Variants in CD2AP observed in about 807,000 individuals in gnomAD.
CD2AP encodes the protein CD2 associated protein.
Under a neutral mutation model 85.1 loss-of-function variants are expected in CD2AP, and 46 were observed. The ratio of observed to expected loss-of-function variants is 0.54; its 90% CI spans 0.43 to 0.69. The LOEUF (loss-of-function observed/expected upper bound fraction) is 0.69. Among genes scored for constraint, CD2AP ranks in the 30% least tolerant of loss-of-function variants. The pLI, the probability that CD2AP is intolerant of heterozygous loss-of-function variation, is 0.00. For synonymous variants in CD2AP, 255 were observed against 252.9 expected, an observed-to-expected ratio of 1.01 and a Z score of -0.08; for missense variants, 769 against 729.5, an observed-to-expected ratio of 1.05 and a Z score of -0.62.
intron 5 of CD2AP, among the ~76,000 whole-genome samples, chr6:47,573,272 C>T (rs889685041): frequency 6.6e-6 from 1 of 152,016 alleles, no homozygotes; most frequent in Non-Finnish European, 1.5e-5. Context: ...GAAATTAGAC[C>T]TGTTACCTAA....
chr6:47,505,219 TG>T (rs1766109026), intron 2 of CD2AP, among the ~76,000 whole-genome samples: 2 of 145,810 alleles, frequency 1.4e-5, no homozygotes, highest in South Asian at 4.7e-4. Flanking sequence ...GATTAGGGAT[TG>T]GTGATGACTC....
rs267606710 is a variant in CD2AP, at chr6:47,612,492, C to T, written c.1834C>T (p.Arg612Ter). Reference protein sequence around the residue: ...KDHGKELEKLRKDLEEEKTMR... With the variant: ...KDHGKELEKL ...TTTTAGGAAAGAACTGGAAAAACTG[C>T]GAAAAGATTTGGAAGAAGAGAAGAC... The change falls in exon 17 of 18, where the codon CGA becomes TGA. Residue 612 changes from arginine (R) to a stop codon, truncating the protein, a stop_gained. Transcript: ENST00000359314. LOFTEE classifies it high-confidence loss of function. 9 of 1,604,304 alleles carry T rather than the reference C, an allele frequency of 5.6e-6. No individual in the cohort carries two copies. In the Admixed American group the frequency reaches 6.7e-5, roughly 12 times the overall value.
chr6:47,540,114 C>A (rs1767167278), intron 3 of CD2AP, among the ~76,000 whole-genome samples: 1 of 136,440 alleles, frequency 7.3e-6, no homozygotes, highest in Non-Finnish European at 1.5e-5. Context: ...GCCTGGGAGG[C>A]AGAGATTGCA....
intron 8 of CD2AP, among the ~76,000 whole-genome samples, chr6:47,577,703 T>C (rs1364067723): frequency 6.6e-6 from 1 of 152,210 alleles, no homozygotes; most frequent in African/African-American, 2.4e-5. Context: ...TTGTTTTTGC[T>C]ATAACCCTGT....
At chr6:47,596,085 C>T in intron 12 of CD2AP, 59 bp downstream of exon 12, 2 of 1,182,184 alleles carry the variant, frequency 1.7e-6, no homozygotes, top group South Asian at 1.2e-5. Context: ...ACCTTAATGG[C>T]TCTATTGCCT....
intron 5 of CD2AP, among the ~76,000 whole-genome samples, chr6:47,556,322 C>G (rs923149): frequency 0.88 from 131,793 of 150,612 alleles, 57,947 homozygotes; most frequent in Non-Finnish European, 0.92. Flanking sequence ...GTAGTGTTTG[C>G]TTTTCTGTTC....
At chr6:47,559,360 G>A (rs1767788481) in intron 5 of CD2AP, among the ~76,000 whole-genome samples, 1 of 151,270 alleles carries the variant, frequency 6.6e-6, no homozygotes, top group African/African-American at 2.4e-5. Flanking sequence ...CTGAGCTCAA[G>A]TGATCCTTCT....
At chr6:47,591,587 A>G (rs549479761) in intron 11 of CD2AP, among the ~76,000 whole-genome samples, 1 of 152,240 alleles carries the variant, frequency 6.6e-6, no homozygotes, top group African/African-American at 2.4e-5. Flanking sequence ...TGCACTTGGA[A>G]TCACTCCTGT....
Position 47,478,549 on chromosome 6 carries a change from G to A in CD2AP, c.4+301G>A, listed in dbSNP as rs560213076. Among the ~76,000 whole-genome samples the A allele has an allele frequency of 5.9e-5, 9 of 152,240 alleles. 2 individuals are homozygous for A. In the South Asian group the frequency reaches 1.9e-3, roughly 32 times the overall value. On this transcript the variant is annotated intron_variant, in intron 1 of 17. Transcript: ENST00000359314. ...GCCTGGCCACCTCTGCTAACCCCTT[G>A]CCCAGCTAAAATCAGACCTGACCTT...
At chr6:47,556,767 T>C (rs2114066247) in intron 5 of CD2AP, among the ~76,000 whole-genome samples, 1 of 152,308 alleles carries the variant, frequency 6.6e-6, no homozygotes, top group Admixed American at 6.5e-5. Context: ...TGTTGTTAAA[T>C]AGTGCTGCAT....
At chr6:47,588,262 A>G (rs1562045585) in intron 11 of CD2AP, among the ~76,000 whole-genome samples, 2 of 151,986 alleles carry the variant, frequency 1.3e-5, no homozygotes, top group South Asian at 2.1e-4. Context: ...ATTAGTTTAG[A>G]TGTTTGTTTT....
intron 15 of CD2AP, among the ~76,000 whole-genome samples, chr6:47,608,818 G>A (rs1329746530): frequency 2.0e-5 from 3 of 152,066 alleles, no homozygotes; most frequent in Admixed American, 2.0e-4. Context: ...CCTTTATAAT[G>A]CTGTTACATT....
At position 47,577,053 on chromosome 6, in the gene CD2AP, G is replaced by T; in HGVS notation, c.853G>T (p.Glu285Ter). The change falls in exon 8 of 18, where the codon GAA becomes TAA. Residue 285 changes from glutamate to a stop codon, truncating the protein, a stop_gained. Transcript: ENST00000359314. LOFTEE classifies it high-confidence loss of function. ...RTLFAYEGTN[E>*]DELTFKEGEI... ...ATTATTTGCCTATGAAGGTACTAAT[G>T]AAGATGAACTTACTTTTAAAGAGGG... is the stretch of plus-strand genomic sequence containing the variant. The T allele has an allele frequency of 1.3e-6, 2 of 1,543,900 alleles. No individual in the cohort carries two copies. The highest frequency in any genetic ancestry group is 1.8e-6 in the Non-Finnish European group (2 of 1,116,382).
chr6:47,605,368 A>T (rs916226920), intron 13 of CD2AP, among the ~76,000 whole-genome samples: 1 of 152,034 alleles, frequency 6.6e-6, no homozygotes, highest in East Asian at 1.9e-4. Context: ...TTTCTGAATC[A>T]TCTAGGAAAA....
chr6:47,594,024 C>G (rs1035127968), intron 11 of CD2AP, among the ~76,000 whole-genome samples: 1 of 151,880 alleles, frequency 6.6e-6, no homozygotes, highest in African/African-American at 2.4e-5. Flanking sequence ...TTGGGCTAAG[C>G]GAAAGAAGCC....
chr6:47,579,616 G>A, intron 9 of CD2AP, 127 bp downstream of exon 9: 1 of 659,708 alleles, frequency 1.5e-6, no homozygotes, highest in East Asian at 2.7e-5. Flanking sequence ...TAGCTATTCA[G>A]GTAGGAGTTA....
At chr6:47,510,125 A>G (rs1034355457) in intron 2 of CD2AP, among the ~76,000 whole-genome samples, 2 of 152,226 alleles carry the variant, frequency 1.3e-5, no homozygotes, top group Admixed American at 1.3e-4. Context: ...ATCTGGGATT[A>G]AAAATTAACC....
chr6:47,564,447 T>C (rs765959704), intron 5 of CD2AP, among the ~76,000 whole-genome samples: 6 of 152,190 alleles, frequency 3.9e-5, no homozygotes, highest in Non-Finnish European at 8.8e-5. Context: ...CTTTTATAAT[T>C]ATAAAATACT....
Position 47,595,888 on chromosome 6 carries a change from C to T in CD2AP, c.1136C>T (p.Pro379Leu). 2 of 1,612,480 alleles carry T rather than the reference C, an allele frequency of 1.2e-6. No individual in the cohort carries two copies. Among genetic ancestry groups the T allele is most frequent in the Non-Finnish European group, 1.7e-6 (2 of 1,178,974 alleles). Residue 379 changes from proline to leucine, a missense_variant, in exon 12 of 18, where the codon CCT (proline) becomes CTT (leucine). Physicochemically the swap from Pro to Leu is moderately conservative, Grantham distance 98 (BLOSUM62 -3). Coordinates refer to ENST00000359314, the MANE Select transcript of CD2AP (RefSeq NM_012120.3). ...KDEKSTLEQKPSKPAAPQVPP... is the reference protein window; with the variant it reads ...KDEKSTLEQKLSKPAAPQVPP... The stretch of plus-strand genomic sequence containing the variant: ...GAAAAATCAACACTGGAACAGAAAC[C>T]TTCTAAACCAGCAGCTCCACAAGTC...
Sources: gnomAD v4.1 joint callset for allele counts (sites outside exome capture counted in the v4.1 genomes callset) on GRCh38, gnomAD v4.1.1 for gene constraint, MANE v1.5 for transcripts, NCBI Gene and HGNC (gene_info 2026-07-23, HGNC 2026-07-21) for gene names.